Variants in STXBP5L observed in about 807,000 individuals in gnomAD.
The protein encoded by STXBP5L is syntaxin-binding protein 5-like.
STXBP5L carries 65 observed loss-of-function variants against 144.5 expected under a neutral mutation model. That is an observed-to-expected ratio of 0.45 (90% CI 0.37 to 0.55). STXBP5L has a LOEUF of 0.55. Ranked by LOEUF, STXBP5L falls within the 20% of genes least tolerant of loss-of-function variation. STXBP5L has a pLI of 0.00. For synonymous variants in STXBP5L, 505 were observed against 469.6 expected (o/e 1.08, Z -0.97); for missense variants, 1,298 against 1,405.5 (o/e 0.92, Z 1.22).
At chr3:120,939,620 C>T (rs1288356065) in intron 2 of STXBP5L, among the ~76,000 whole-genome samples, 3 of 152,096 alleles carry the variant, frequency 2.0e-5, no homozygotes, top group South Asian at 2.1e-4. Flanking sequence ...GGGAATCAGA[C>T]GAAAGCAACA....
chr3:121,008,579 T>A (rs1944527701), intron 3 of STXBP5L, among the ~76,000 whole-genome samples: 1 of 152,030 alleles, frequency 6.6e-6, no homozygotes, highest in Non-Finnish European at 1.5e-5. Flanking sequence ...ATCCTCATCT[T>A]GAATAATAAC....
chr3:121,075,519 C>A (rs1205815067), intron 5 of STXBP5L, among the ~76,000 whole-genome samples: 1 of 152,174 alleles, frequency 6.6e-6, no homozygotes, highest in African/African-American at 2.4e-5. Context: ...CCTTCAAAAC[C>A]TTCTAACTTC....
At chr3:120,956,724 A>T (rs949905881) in intron 3 of STXBP5L, among the ~76,000 whole-genome samples, 2 of 151,878 alleles carry the variant, frequency 1.3e-5, no homozygotes, top group African/African-American at 4.8e-5. Flanking sequence ...TGATAATTGT[A>T]TTTTTAATTT....
chr3:121,225,325 T>G (rs2108296028), intron 11 of STXBP5L, among the ~76,000 whole-genome samples: 1 of 152,166 alleles, frequency 6.6e-6, no homozygotes, highest in South Asian at 2.1e-4. Flanking sequence ...GCACAATTGG[T>G]AGCTCGTGGA....
intron 3 of STXBP5L, among the ~76,000 whole-genome samples, chr3:120,970,121 C>A (rs540073272): frequency 6.6e-6 from 1 of 151,928 alleles, no homozygotes; most frequent in South Asian, 2.1e-4. Flanking sequence ...TTTCAGTTTA[C>A]GTCTTTTTAT....
intron 2 of STXBP5L, among the ~76,000 whole-genome samples, chr3:120,934,585 G>A (rs1213568299): frequency 6.6e-6 from 1 of 152,018 alleles, no homozygotes; most frequent in Non-Finnish European, 1.5e-5. Flanking sequence ...ATTATTGAGA[G>A]AGGGGTGAAG....
intron 22 of STXBP5L, among the ~76,000 whole-genome samples, chr3:121,398,873 C>A (rs1293713878): frequency 6.6e-6 from 1 of 152,120 alleles, no homozygotes; most frequent in East Asian, 1.9e-4. Context: ...AACTGCCAAG[C>A]CTCTAAATCA....
At chr3:121,040,048 TAATA>T (rs3046075) in intron 3 of STXBP5L, among the ~76,000 whole-genome samples, 38,049 of 151,704 alleles carry the variant, frequency 0.25, 4,872 homozygotes, top group African/African-American at 0.28. Flanking sequence ...CAGTGTAGTA[TAATA>T]AATGTTTTAC....
At chr3:121,185,232 T>A (rs1436554645) in intron 9 of STXBP5L, among the ~76,000 whole-genome samples, 1 of 152,234 alleles carries the variant, frequency 6.6e-6, no homozygotes, top group African/African-American at 2.4e-5. Context: ...AAAAATTGTC[T>A]CCCATTCTGT....
intron 5 of STXBP5L, among the ~76,000 whole-genome samples, chr3:121,113,950 G>A (rs1256409273): frequency 6.6e-6 from 1 of 151,960 alleles, no homozygotes; most frequent in Non-Finnish European, 1.5e-5. Flanking sequence ...TGGATTACAG[G>A]CATGAGCCAC....
chr3:120,940,321 T>C (rs1246138586), intron 2 of STXBP5L, among the ~76,000 whole-genome samples: 2 of 151,252 alleles, frequency 1.3e-5, no homozygotes, highest in East Asian at 3.9e-4. Flanking sequence ...AGAATTTAAG[T>C]GGAAGTACTA....
At chr3:121,374,523 G>A (rs756454908) in intron 20 of STXBP5L, among the ~76,000 whole-genome samples, 10 of 152,008 alleles carry the variant, frequency 6.6e-5, no homozygotes, top group Non-Finnish European at 1.2e-4. Flanking sequence ...AGGAAATCTA[G>A]CAAGATACAA....
chr3:120,966,662 T>C (rs1215648525), intron 3 of STXBP5L, among the ~76,000 whole-genome samples: 5 of 152,154 alleles, frequency 3.3e-5, no homozygotes, highest in African/African-American at 1.2e-4. Context: ...TGCCTGATCC[T>C]TCCTCTGGAA....
chr3:121,418,478 G>T lies in STXBP5L; in HGVS notation c.3368G>T (p.Gly1123Val), dbSNP rs1348913686. 1.9e-6 allele frequency: 3 copies of T among 1,614,100 alleles called. No individual in the cohort carries two copies. Among genetic ancestry groups the T allele is most frequent in the East Asian group, 2.2e-5 (1 of 44,862 alleles). Residue 1123 changes from glycine to valine, a missense_variant, in exon 26 of 27, where the codon GGA (glycine) becomes GTA (valine). Transcript: ENST00000471454. The part of the protein sequence containing the change: ...TRARIALDER[G>V]QRLGELEEKT... ...GCACGGATTGCACTTGATGAAAGAG[G>T]ACAGAGGCTAGGAGAGCTGGAAGAG...
intron 20 of STXBP5L, among the ~76,000 whole-genome samples, chr3:121,358,883 T>C (rs901935112): frequency 6.6e-6 from 1 of 152,198 alleles, no homozygotes; most frequent in Non-Finnish European, 1.5e-5. Context: ...TGTTTATTTA[T>C]TCATGTATGG....
chr3:120,983,615 C>A lies in STXBP5L; in HGVS notation c.287+28578C>A, dbSNP rs557709140. On this transcript the variant is annotated intron_variant, in intron 3 of 26. Transcript: ENST00000471454. The stretch of plus-strand genomic sequence containing the variant: ...CCTTTGTGTAATTTCTAGGCAGTTC[C>A]CTTTTATCCTGGAGGCCTGGGAGGA... 3.7e-3 allele frequency among the ~76,000 whole-genome samples: 564 copies of A among 152,134 alleles called. 5 individuals carry two copies. The highest frequency in any genetic ancestry group is 0.011 in the Admixed American group (174 of 15,282).
chr3:121,103,492 G>T (rs975354664), intron 5 of STXBP5L, among the ~76,000 whole-genome samples: 1 of 152,022 alleles, frequency 6.6e-6, no homozygotes, highest in Non-Finnish European at 1.5e-5. Flanking sequence ...AACATTGGAT[G>T]TACTTGGATA....
At chr3:121,007,039 C>G (rs1212599911) in intron 3 of STXBP5L, among the ~76,000 whole-genome samples, 1 of 152,050 alleles carries the variant, frequency 6.6e-6, no homozygotes, top group Non-Finnish European at 1.5e-5. Flanking sequence ...TGGAGTTGCT[C>G]TTCTTGAGGA....
In STXBP5L at chr3:121,039,716, TA is replaced by T. The variant is rs143006340; in HGVS notation, c.288-1976del. Among the ~76,000 whole-genome samples, 1,194 of 151,810 alleles carry T rather than the reference TA, an allele frequency of 7.9e-3. 13 individuals carry two copies. Among genetic ancestry groups the T allele is most frequent in the African/African-American group, 0.028 (1,149 of 41,470 alleles). Reference sequence around the variant, plus strand: ...AGAAAACTTAATTTTGGTCATTATTTAAAAAAAATTTTATCTCTTCTCTCCC... The same window carrying T: ...AGAAAACTTAATTTTGGTCATTATTTAAAAAAATTTTATCTCTTCTCTCCC... On this transcript the variant is annotated intron_variant, in intron 3 of 26. Coordinates refer to ENST00000471454, the MANE Select transcript of STXBP5L (RefSeq NM_001308330.2).
Sources: gnomAD v4.1 joint callset for allele counts (sites outside exome capture counted in the v4.1 genomes callset) on GRCh38, gnomAD v4.1.1 for gene constraint, MANE v1.5 for transcripts, NCBI Gene and HGNC (gene_info 2026-07-23, HGNC 2026-07-21) for gene names.